FAM117B: variants seen among roughly 807,000 people sequenced by gnomAD.
FAM117B encodes the protein family with sequence similarity 117 member B, also known as protein FAM117B.
In FAM117B, 22 loss-of-function variants were observed where a neutral mutation model predicts 52.8. The observed-to-expected ratio is 0.42, with a 90% CI of 0.30 to 0.59. The LOEUF is 0.59. Ranked by LOEUF, FAM117B falls within the 20% of genes least tolerant of loss-of-function variation. The pLI, the probability that FAM117B is intolerant of heterozygous loss-of-function variation, is 0.22. For missense variants in FAM117B, 678 were observed against 802.6 expected (o/e 0.84, Z 1.88); for synonymous variants, 309 against 324.1 (o/e 0.95, Z 0.50).
intron 4 of FAM117B, among the ~76,000 whole-genome samples, chr2:202,748,586 C>T (rs182136474): frequency 6.6e-5 from 10 of 152,138 alleles, no homozygotes; most frequent in Admixed American, 5.9e-4. Context: ...ACAACAACAA[C>T]AAAGAATCCC....
In FAM117B at chr2:202,685,761, A is replaced by T. The variant is rs192265952; in HGVS notation, c.602-10120A>T. Among the ~76,000 whole-genome samples, 305 of 152,300 alleles carry T rather than the reference A, an allele frequency of 2.0e-3. 1 individual carries two copies. The highest frequency in any genetic ancestry group is 7.2e-3 in the African/African-American group (300 of 41,568). On this transcript the variant is annotated intron_variant, in intron 1 of 7. Coordinates refer to ENST00000392238, the MANE Select transcript of FAM117B (RefSeq NM_173511.4). ...GGGAGGGGGATAATCCCTTTCCTTAAACTGTACACAAAAGTGAACTCCAAA... is the reference window on the plus strand; with the variant it reads ...GGGAGGGGGATAATCCCTTTCCTTATACTGTACACAAAAGTGAACTCCAAA...
At chr2:202,692,716 C>T (rs561007656) in intron 1 of FAM117B, among the ~76,000 whole-genome samples, 2 of 152,212 alleles carry the variant, frequency 1.3e-5, no homozygotes, top group South Asian at 4.2e-4. Flanking sequence ...GACTTTTCAC[C>T]CAGACAAGAG....
At chr2:202,641,907 G>A (rs1200639912) in intron 1 of FAM117B, among the ~76,000 whole-genome samples, 5 of 151,102 alleles carry the variant, frequency 3.3e-5, no homozygotes, top group Non-Finnish European at 2.9e-5. Flanking sequence ...CCAAAGTGCT[G>A]AGATTACAGG....
At chr2:202,718,620 G>A (rs983331746) in intron 2 of FAM117B, among the ~76,000 whole-genome samples, 6 of 151,970 alleles carry the variant, frequency 3.9e-5, no homozygotes, top group African/African-American at 1.2e-4. Context: ...TTTTATTGAG[G>A]ATCTTTGCAT....
intron 1 of FAM117B, among the ~76,000 whole-genome samples, chr2:202,692,824 T>A (rs1294825745): frequency 6.6e-6 from 1 of 152,210 alleles, no homozygotes; most frequent in African/African-American, 2.4e-5. Context: ...GTGTACTTAA[T>A]TCTGCCTTTT....
intron 4 of FAM117B, among the ~76,000 whole-genome samples, chr2:202,740,174 C>CCAAAA (rs1553523191): frequency 9.9e-6 from 1 of 100,570 alleles, no homozygotes; most frequent in African/African-American, 4.1e-5. Flanking sequence ...CTTCATCCCC[C>CCAAAA]AAAAAAAAAA....
At chr2:202,663,255 A>T (rs1690156739) in intron 1 of FAM117B, among the ~76,000 whole-genome samples, 1 of 152,216 alleles carries the variant, frequency 6.6e-6, no homozygotes, top group East Asian at 1.9e-4. Context: ...GTTGAGTTCC[A>T]TTGTGGTTTG....
Position 202,684,970 on chromosome 2 carries a change from A to G in FAM117B, c.602-10911A>G, listed in dbSNP as rs573895057. ...TATCTAAGAGAAAAGAAGGTAAACC[A>G]CATGATTATCTCAAAAAAAATTTTT... On this transcript the variant is annotated intron_variant, in intron 1 of 7. Transcript: ENST00000392238. Among the ~76,000 whole-genome samples, 11 of 152,184 alleles carry G rather than the reference A, an allele frequency of 7.2e-5. No homozygotes were observed. In the South Asian group the frequency reaches 2.3e-3, roughly 32 times the overall value.
intron 2 of FAM117B, among the ~76,000 whole-genome samples, chr2:202,719,872 A>AT (rs1559109232): frequency 6.6e-6 from 1 of 152,004 alleles, no homozygotes; most frequent in African/African-American, 2.4e-5. Context: ...GTAGACCAGT[A>AT]TTTTTTTGAA....
intron 1 of FAM117B, among the ~76,000 whole-genome samples, chr2:202,686,610 C>G (rs1312818063): frequency 6.6e-6 from 1 of 152,122 alleles, no homozygotes; most frequent in African/African-American, 2.4e-5. Context: ...GAGTTTGAGA[C>G]CATTCTAGCC....
chr2:202,741,832 C>T (rs1691545184), intron 4 of FAM117B, among the ~76,000 whole-genome samples: 1 of 152,134 alleles, frequency 6.6e-6, no homozygotes, highest in African/African-American at 2.4e-5. Flanking sequence ...CGCGCCTGGC[C>T]AGTGAAAATT....
intron 4 of FAM117B, among the ~76,000 whole-genome samples, chr2:202,742,815 TG>T (rs1414494130): frequency 6.6e-6 from 1 of 152,190 alleles, no homozygotes; most frequent in Non-Finnish European, 1.5e-5. Flanking sequence ...AGGGAAATGA[TG>T]CTACCAGTGC....
intron 4 of FAM117B, among the ~76,000 whole-genome samples, chr2:202,744,278 G>A (rs531154242): frequency 1.4e-3 from 209 of 152,316 alleles, no homozygotes; most frequent in Non-Finnish European, 2.6e-3. Context: ...CACTCATGGC[G>A]GAAGGTGAAG....
chr2:202,644,672 G>A (rs1191151799), intron 1 of FAM117B, among the ~76,000 whole-genome samples: 1 of 152,220 alleles, frequency 6.6e-6, no homozygotes, highest in Non-Finnish European at 1.5e-5. Flanking sequence ...TATCTTCAGT[G>A]ATGTCTTTAT....
At chr2:202,761,694 G>A (rs1691892048) in intron 7 of FAM117B, among the ~76,000 whole-genome samples, 1 of 151,816 alleles carries the variant, frequency 6.6e-6, no homozygotes, top group African/African-American at 2.4e-5. Flanking sequence ...GCCTGGCTAA[G>A]TTTTGTATTT....
At chr2:202,722,565 A>G (rs1204026356) in intron 2 of FAM117B, among the ~76,000 whole-genome samples, 3 of 152,170 alleles carry the variant, frequency 2.0e-5, no homozygotes, top group Admixed American at 6.5e-5. Context: ...GCAAACTAAC[A>G]CAGGAACAGA....
At chr2:202,672,147 A>G (rs1690308548) in intron 1 of FAM117B, among the ~76,000 whole-genome samples, 1 of 152,186 alleles carries the variant, frequency 6.6e-6, no homozygotes, top group African/African-American at 2.4e-5. Context: ...TCCTGTAAAA[A>G]TCACATTTAT....
intron 1 of FAM117B, among the ~76,000 whole-genome samples, chr2:202,642,344 A>AATATATAGAT (rs1689784355): frequency 7.0e-6 from 1 of 142,606 alleles, no homozygotes; most frequent in African/African-American, 2.6e-5. Context: ...GAATAAATAG[A>AATATATAGAT]ATATATATAT....
rs558691850 is a variant in FAM117B, at chr2:202,767,157, CTTTT to C, written c.*1410_*1413del. On this transcript the variant is annotated 3_prime_UTR_variant, in exon 8 of 8. Transcript: ENST00000392238. ...ATGTGGTAGTGAGATTAAGGAGCAG[CTTTT>C]TTTTTTTTTTTTTTTTGAGACGGAG... The C allele has an allele frequency of 1.0e-4, 11 of 110,354 alleles. No homozygotes were observed. The highest frequency in any genetic ancestry group is 1.1e-4 in the Non-Finnish European group (6 of 55,418). The allele number at this position is 110,354 out of a possible 1,614,324, so 6.8% of individuals were successfully genotyped here. A position where few individuals can be genotyped will look rare whatever the true frequency, so the allele number is the denominator to read the frequency against.
Sources: gnomAD v4.1 joint callset for allele counts (sites outside exome capture counted in the v4.1 genomes callset) on GRCh38, gnomAD v4.1.1 for gene constraint, MANE v1.5 for transcripts, NCBI Gene and HGNC (gene_info 2026-07-23, HGNC 2026-07-21) for gene names.